The following AKAP6 variants were observed in gnomAD, a reference collection of about 807,000 sequenced individuals.
The protein encoded by AKAP6 is A-kinase anchor protein 6.
In AKAP6, 58 loss-of-function variants were observed where a neutral mutation model predicts 188.5. That is an observed-to-expected ratio of 0.31 (90% CI 0.25 to 0.38). AKAP6 has a LOEUF of 0.38. AKAP6 is among the 10% of genes least tolerant of loss of function. The probability of loss-of-function intolerance (pLI) is 1.00; values close to 1 mark genes in which losing one functional copy is unlikely to be tolerated. For synonymous variants in AKAP6, 989 were observed against 998.6 expected (o/e 0.99, Z 0.18); for missense variants, 2,710 against 2,740.0 (o/e 0.99, Z 0.24).
At chr14:32,799,036 A>G (rs1194086284) in intron 12 of AKAP6, among the ~76,000 whole-genome samples, 2 of 152,094 alleles carry the variant, frequency 1.3e-5, no homozygotes, top group African/African-American at 4.8e-5. Flanking sequence ...TCTTATTTAT[A>G]TTTGTAATTG....
At chr14:32,619,391 C>T (rs1307494066) in intron 7 of AKAP6, among the ~76,000 whole-genome samples, 1 of 152,116 alleles carries the variant, frequency 6.6e-6, no homozygotes, top group African/African-American at 2.4e-5. Flanking sequence ...TTTCATTCTT[C>T]TACTTTGGCT....
intron 3 of AKAP6, among the ~76,000 whole-genome samples, chr14:32,541,349 ATT>A (rs1398902913): frequency 7.5e-6 from 1 of 133,944 alleles, no homozygotes; most frequent in Non-Finnish European, 1.7e-5. Flanking sequence ...ATATATATAT[ATT>A]CAATATATTC....
At chr14:32,397,353 A>C (rs1411414777) in intron 1 of AKAP6, among the ~76,000 whole-genome samples, 2 of 151,594 alleles carry the variant, frequency 1.3e-5, no homozygotes, top group Admixed American at 6.6e-5. Flanking sequence ...ATGGTACAGA[A>C]GTTATCAAAA....
intron 9 of AKAP6, among the ~76,000 whole-genome samples, chr14:32,730,345 C>G (rs996994499): frequency 6.6e-6 from 1 of 152,134 alleles, no homozygotes; most frequent in African/African-American, 2.4e-5. Flanking sequence ...CACATAAAGA[C>G]AAGTTTCTTT....
chr14:32,666,834 A>C (rs1448914334), intron 7 of AKAP6, among the ~76,000 whole-genome samples: 2 of 152,096 alleles, frequency 1.3e-5, no homozygotes, highest in Non-Finnish European at 2.9e-5. Flanking sequence ...TAAGAATAGT[A>C]ATCTTTTGCT....
At chr14:32,750,229 C>G (rs928552497) in intron 11 of AKAP6, among the ~76,000 whole-genome samples, 4 of 152,040 alleles carry the variant, frequency 2.6e-5, no homozygotes, top group Non-Finnish European at 5.9e-5. Context: ...TCTTTATTTA[C>G]AGTGCCAAGA....
At chr14:32,799,904 G>A (rs979535464) in intron 12 of AKAP6, among the ~76,000 whole-genome samples, 2 of 151,682 alleles carry the variant, frequency 1.3e-5, no homozygotes, top group African/African-American at 4.8e-5. Context: ...TACCAAAAGA[G>A]AGGTGTAGAA....
chr14:32,654,204 T>G (rs988295306), intron 7 of AKAP6, among the ~76,000 whole-genome samples: 1 of 152,166 alleles, frequency 6.6e-6, no homozygotes, highest in Non-Finnish European at 1.5e-5. Flanking sequence ...TGGTGTGTTG[T>G]TTGCAACTGG....
At chr14:32,788,708 G>A (rs2383377) in intron 12 of AKAP6, among the ~76,000 whole-genome samples, 19,763 of 152,102 alleles carry the variant, frequency 0.13, 1,331 homozygotes, top group Middle Eastern at 0.22. Flanking sequence ...CTTTGGGTCC[G>A]AGACACAGAG....
At chr14:32,394,117 G>A (rs1594572499) in intron 1 of AKAP6, among the ~76,000 whole-genome samples, 1 of 152,030 alleles carries the variant, frequency 6.6e-6, no homozygotes, top group African/African-American at 2.4e-5. Flanking sequence ...TTGACAACTG[G>A]CATTATACAT....
At chr14:32,551,828 T>G (rs2139176556) in intron 4 of AKAP6, among the ~76,000 whole-genome samples, 1 of 137,438 alleles carries the variant, frequency 7.3e-6, no homozygotes, top group African/African-American at 3.4e-5. Context: ...CCCGGCTAAT[T>G]TTTTGTATTT....
intron 7 of AKAP6, among the ~76,000 whole-genome samples, chr14:32,632,851 T>C (rs1424204139): frequency 6.6e-6 from 1 of 152,124 alleles, no homozygotes; most frequent in Non-Finnish European, 1.5e-5. Flanking sequence ...GATTTAATCA[T>C]TTGCATATTT....
At position 32,349,430 on chromosome 14, in the gene AKAP6, C is replaced by T. The variant is rs117488570; in HGVS notation, c.-35+20022C>T. On this transcript the variant is annotated intron_variant, in intron 1 of 13. Transcript: ENST00000280979. ...TTTATGGTGAAAGAATGCAGACTTC[C>T]GGTCCAGAGGATGGAGAGCGTCTAT... Among the ~76,000 whole-genome samples the T allele has an allele frequency of 2.6e-4, 40 of 152,262 alleles. No individual in the cohort carries two copies. In the East Asian group the frequency reaches 4.8e-3, roughly 18 times the overall value.
chr14:32,538,304 G>A (rs1882775434), intron 3 of AKAP6, among the ~76,000 whole-genome samples: 1 of 152,066 alleles, frequency 6.6e-6, no homozygotes, highest in African/African-American at 2.4e-5. Context: ...TGAAAGATTT[G>A]TAGAATGATG....
chr14:32,682,752 A>G (rs1286638044), intron 8 of AKAP6, among the ~76,000 whole-genome samples: 1 of 152,192 alleles, frequency 6.6e-6, no homozygotes, highest in East Asian at 1.9e-4. Context: ...ATTTTGATTC[A>G]GTAGGCAGAA....
In AKAP6 at chr14:32,688,011, C is replaced by T. The variant is rs138355315; in HGVS notation, c.2880-7979C>T. Among the ~76,000 whole-genome samples the T allele has an allele frequency of 3.9e-3, 586 of 151,936 alleles. 2 individuals carry two copies. The highest frequency in any genetic ancestry group is 0.013 in the African/African-American group (529 of 41,424). ...TTCGCTAATTTGATGACATCCATGC[C>T]AAGAGCCAACAAAAGGCAAACCAGA... On this transcript the variant is annotated intron_variant, in intron 8 of 13. Coordinates refer to ENST00000280979, the MANE Select transcript of AKAP6 (RefSeq NM_004274.5).
chr14:32,482,615 G>A (rs1244243505), intron 2 of AKAP6, among the ~76,000 whole-genome samples: 1 of 152,070 alleles, frequency 6.6e-6, no homozygotes, highest in Admixed American at 6.6e-5. Flanking sequence ...GTTCTCTGCT[G>A]TATTCCAAGG....
intron 12 of AKAP6, among the ~76,000 whole-genome samples, chr14:32,777,552 A>C (rs1246921008): frequency 6.6e-6 from 1 of 152,236 alleles, no homozygotes; most frequent in East Asian, 1.9e-4. Flanking sequence ...TGAAAAATAC[A>C]CTGGATGAGA....
At chr14:32,571,978 A>G (rs1372106198) in intron 4 of AKAP6, among the ~76,000 whole-genome samples, 1 of 152,216 alleles carries the variant, frequency 6.6e-6, no homozygotes, top group African/African-American at 2.4e-5. Context: ...TCTCATCACA[A>G]ATTCTGTTTT....
Sources: gnomAD v4.1 joint callset for allele counts (sites outside exome capture counted in the v4.1 genomes callset) on GRCh38, gnomAD v4.1.1 for gene constraint, MANE v1.5 for transcripts, NCBI Gene and HGNC (gene_info 2026-07-23, HGNC 2026-07-21) for gene names.